SND1: variants seen among roughly 807,000 people sequenced by gnomAD.
SND1 encodes the protein staphylococcal nuclease and tudor domain containing 1.
SND1 carries 38 observed loss-of-function variants against 121.7 expected under a neutral mutation model. The ratio of observed to expected loss-of-function variants is 0.31; its 90% CI spans 0.24 to 0.41. The LOEUF (loss-of-function observed/expected upper bound fraction) is 0.41, where lower values mean the gene tolerates loss of function less well. Among genes scored for constraint, SND1 ranks in the 10% least tolerant of loss-of-function variants. The pLI is 1.00. For missense variants in SND1, 868 were observed against 1,184.6 expected (o/e 0.73, Z 3.92); for synonymous variants, 401 against 447.4 (o/e 0.90, Z 1.31).
At chr7:127,758,376 A>G (rs1797237862) in intron 10 of SND1, among the ~76,000 whole-genome samples, 1 of 152,148 alleles carries the variant, frequency 6.6e-6, no homozygotes, top group African/African-American at 2.4e-5. Context: ...CTTTAGTGAG[A>G]TTTTAGTGTG....
At chr7:127,694,764 T>A in intron 2 of SND1, 64 bp from the exon 3 acceptor site, 2 of 1,595,886 alleles carry the variant, frequency 1.3e-6, no homozygotes, top group Non-Finnish European at 8.6e-7. Context: ...ATGAAGTTGC[T>A]TGAATGCTGA....
At chr7:127,934,959 T>G (rs1462574065) in intron 15 of SND1, among the ~76,000 whole-genome samples, 1 of 152,104 alleles carries the variant, frequency 6.6e-6, no homozygotes, top group Non-Finnish European at 1.5e-5. Flanking sequence ...AGTAAGACAG[T>G]CATGAGATAG....
intron 14 of SND1, among the ~76,000 whole-genome samples, chr7:127,908,602 A>T (rs576456469): frequency 6.6e-6 from 1 of 152,204 alleles, no homozygotes; most frequent in East Asian, 1.9e-4. Flanking sequence ...ACCAGCTGAG[A>T]ATTTGACCGA....
At chr7:127,921,712 C>T (rs994443621) in intron 14 of SND1, among the ~76,000 whole-genome samples, 1 of 152,150 alleles carries the variant, frequency 6.6e-6, no homozygotes, top group Non-Finnish European at 1.5e-5. Flanking sequence ...GTTCCATTGT[C>T]CCAATTCCTC....
intron 16 of SND1, among the ~76,000 whole-genome samples, chr7:128,001,097 C>T (rs561156105): frequency 1.4e-4 from 22 of 152,284 alleles, no homozygotes; most frequent in African/African-American, 4.6e-4. Context: ...CCACCCGTGA[C>T]GGTTTCTGGT....
chr7:128,084,710 T>C lies in SND1; in HGVS notation c.2111-14T>C, dbSNP rs369469389. The C allele has an allele frequency of 3.7e-6, 6 of 1,601,714 alleles. No homozygotes were observed. The highest frequency in any genetic ancestry group is 5.1e-6 in the Non-Finnish European group (6 of 1,171,914). Reference sequence around the variant, plus strand: ...CCAGCACCCAGGTCTCACTGTGCTCTTCCTCCCTGGCAGGCACCCAGTTGG... The same window carrying C: ...CCAGCACCCAGGTCTCACTGTGCTCCTCCTCCCTGGCAGGCACCCAGTTGG... On this transcript the variant is annotated splice_polypyrimidine_tract_variant and intron_variant, in intron 18 of 23. Transcript: ENST00000354725.
At chr7:127,785,705 A>G (rs1413000678) in intron 10 of SND1, among the ~76,000 whole-genome samples, 2 of 152,246 alleles carry the variant, frequency 1.3e-5, no homozygotes, top group Non-Finnish European at 2.9e-5. Context: ...TATTCATTGT[A>G]TACTCAGTAG....
intron 10 of SND1, among the ~76,000 whole-genome samples, chr7:127,795,852 A>AT (rs1424059150): frequency 2.6e-5 from 4 of 151,550 alleles, no homozygotes; most frequent in South Asian, 2.1e-4. Context: ...TTATTTATTT[A>AT]TTTATTTTAT....
At chr7:127,829,298 G>A (rs1798698093) in intron 11 of SND1, among the ~76,000 whole-genome samples, 1 of 152,114 alleles carries the variant, frequency 6.6e-6, no homozygotes, top group African/African-American at 2.4e-5. Context: ...CAAAGGACCT[G>A]CTGTGAGGCA....
rs1796960993 is a variant in SND1 at position 127,745,292 on chromosome 7, T to C, written c.1152+23892T>C. Among the ~76,000 whole-genome samples, 4 of 152,130 alleles carry C rather than the reference T, an allele frequency of 2.6e-5. No homozygotes were observed. The South Asian group carries it at 8.3e-4, about 32-fold the overall frequency. On this transcript the variant is annotated intron_variant, in intron 10 of 23. Transcript: ENST00000354725. ...TTGCAGTGCTGAATACTGTAGGCAG[T>C]TGTAACACAGTGGTATTTGTGTATC...
intron 1 of SND1, among the ~76,000 whole-genome samples, chr7:127,668,594 G>T (rs2116256134): frequency 6.6e-6 from 1 of 152,282 alleles, no homozygotes; most frequent in South Asian, 2.1e-4. Flanking sequence ...CAAGTACAGT[G>T]GTGGACTCAG....
intron 10 of SND1, among the ~76,000 whole-genome samples, chr7:127,730,110 A>G (rs935199824): frequency 3.2e-4 from 48 of 152,278 alleles, no homozygotes; most frequent in African/African-American, 1.1e-3. Context: ...CTGGGATTAC[A>G]GGCATGAGCC....
chr7:127,894,513 G>A (rs912544814), intron 13 of SND1, among the ~76,000 whole-genome samples: 2 of 152,116 alleles, frequency 1.3e-5, no homozygotes, highest in Admixed American at 1.3e-4. Context: ...CTGTTGCTAA[G>A]TTAAAAGATA....
chr7:127,673,031 C>G (rs997086787), intron 1 of SND1, among the ~76,000 whole-genome samples: 1 of 151,456 alleles, frequency 6.6e-6, no homozygotes, highest in Non-Finnish European at 1.5e-5. Flanking sequence ...GTATAAGTAT[C>G]TTATATAATA....
At chr7:127,812,362 C>A (rs1281596357) in intron 11 of SND1, among the ~76,000 whole-genome samples, 2 of 152,194 alleles carry the variant, frequency 1.3e-5, no homozygotes, top group Non-Finnish European at 2.9e-5. Flanking sequence ...TCTCATTAGT[C>A]TTTGAGATGT....
At position 128,047,151 on chromosome 7, in the gene SND1, A is replaced by G. The variant is rs559599792; in HGVS notation, c.1780-27351A>G. ...CTACCCTCAACTGCCAGAGGGGTCC[A>G]TGGCACAAAAAATGACTTATACCAG... On this transcript the variant is annotated intron_variant, in intron 16 of 23. Transcript: ENST00000354725. 1.1e-4 allele frequency among the ~76,000 whole-genome samples: 17 copies of G among 152,366 alleles called. No homozygotes were observed. In the East Asian group the frequency reaches 3.1e-3, roughly 28 times the overall value.
intron 11 of SND1, among the ~76,000 whole-genome samples, chr7:127,810,482 A>G (rs750638685): frequency 3.3e-5 from 5 of 152,136 alleles, no homozygotes; most frequent in Non-Finnish European, 5.9e-5. Context: ...CACAGCAAAG[A>G]GTTTTGTGTT....
At chr7:128,080,316 C>CACGCG (rs1220922535) in intron 17 of SND1, among the ~76,000 whole-genome samples, 1 of 152,246 alleles carries the variant, frequency 6.6e-6, no homozygotes, top group African/African-American at 2.4e-5. Context: ...TTGGACTTGA[C>CACGCG]ACGCTGTCGC....
At chr7:127,719,251 C>A (rs868021295) in intron 9 of SND1, among the ~76,000 whole-genome samples, 1 of 152,158 alleles carries the variant, frequency 6.6e-6, no homozygotes, top group South Asian at 2.1e-4. Context: ...GTCCAACCCA[C>A]TACTGGAATT....
Sources: gnomAD v4.1 joint callset for allele counts (sites outside exome capture counted in the v4.1 genomes callset) on GRCh38, gnomAD v4.1.1 for gene constraint, MANE v1.5 for transcripts, NCBI Gene and HGNC (gene_info 2026-07-23, HGNC 2026-07-21) for gene names.